The following TNS3 variants were observed in gnomAD, a reference collection of about 807,000 sequenced individuals.
TNS3 encodes tensin-3.
In TNS3, 45 loss-of-function variants were observed where a neutral mutation model predicts 140.9. The ratio of observed to expected loss-of-function variants is 0.32; its 90% CI spans 0.25 to 0.41. The LOEUF is 0.41. Among genes scored for constraint, TNS3 ranks in the 10% least tolerant of loss-of-function variants. The pLI is 1.00. For synonymous variants in TNS3, 815 were observed against 788.4 expected (o/e 1.03, Z -0.56); for missense variants, 1,716 against 1,906.7 (o/e 0.90, Z 1.86).
intron 4 of TNS3, among the ~76,000 whole-genome samples, chr7:47,460,618 C>A (rs1424804632): frequency 6.6e-6 from 1 of 152,252 alleles, no homozygotes; most frequent in Non-Finnish European, 1.5e-5. Flanking sequence ...GCCAGGCTGA[C>A]TGTGAACAGC....
At chr7:47,438,421 T>G (rs1172947452) in intron 6 of TNS3, among the ~76,000 whole-genome samples, 2 of 151,662 alleles carry the variant, frequency 1.3e-5, no homozygotes, top group African/African-American at 4.8e-5. Flanking sequence ...AGCCTGGGAG[T>G]GGCTTCCAAA....
chr7:47,319,898 C>G (rs946324444), intron 20 of TNS3, among the ~76,000 whole-genome samples: 1 of 152,152 alleles, frequency 6.6e-6, no homozygotes, highest in South Asian at 2.1e-4. Flanking sequence ...AGGTCCCTAA[C>G]CAGGCGTTGC....
rs7808042 is a variant in TNS3, at chr7:47,375,326, G to C, written c.1025-5705C>G. 7.7e-3 allele frequency among the ~76,000 whole-genome samples: 1,171 copies of C among 152,306 alleles called. 19 individuals are homozygous for C. The highest frequency in any genetic ancestry group is 0.027 in the African/African-American group (1,110 of 41,566). Reference sequence around the variant, plus strand: ...TCAAGGACCTCCCCTCCCAAGGGAGGCTGTCCACTGTCTGGCAACGATTTC... The same window carrying C: ...TCAAGGACCTCCCCTCCCAAGGGAGCCTGTCCACTGTCTGGCAACGATTTC... On this transcript the variant is annotated intron_variant, in intron 16 of 30. Transcript: ENST00000311160.
At chr7:47,387,168 A>T (rs921640729) in intron 16 of TNS3, among the ~76,000 whole-genome samples, 7 of 152,270 alleles carry the variant, frequency 4.6e-5, no homozygotes, top group African/African-American at 1.7e-4. Flanking sequence ...AGAGTGCCCA[A>T]CTTTCAATAG....
In TNS3 at chr7:47,369,312, G is replaced by A; in HGVS notation, c.1334C>T (p.Thr445Ile). The change falls in exon 17 of 31, where the codon ACT becomes ATT. Residue 445 changes from threonine to isoleucine, a missense_variant. Thr to Ile is a moderately conservative substitution (Grantham distance 89). Around this residue, in one of 3 missense-constraint regions of TNS3, gnomAD observed 1,163 missense variants for 1,182.1 expected, o/e 0.98. Transcript: ENST00000311160. ...CCCACTGTACTTGCTTCGAGCATCA[G>A]TCATTTCCTTGAGGGAGCTTCCAGG... is the stretch of plus-strand genomic sequence containing the variant. ...EDPGSSLKEM[T>I]DARSKYSGTR... is the part of the protein sequence containing the mutation. 1 of 1,614,162 alleles carries A rather than the reference G, an allele frequency of 6.2e-7. No individual in the cohort carries two copies.
intron 3 of TNS3, among the ~76,000 whole-genome samples, chr7:47,500,368 G>C (rs1223477431): frequency 1.3e-5 from 2 of 152,266 alleles, no homozygotes; most frequent in South Asian, 2.1e-4. Flanking sequence ...ACGGCAGAGA[G>C]AGGCAGAGCC....
chr7:47,437,484 C>G (rs1340429580), intron 6 of TNS3, among the ~76,000 whole-genome samples, 171 bp from the exon 7 acceptor site: 1 of 151,644 alleles, frequency 6.6e-6, no homozygotes, highest in Non-Finnish European at 1.5e-5. Flanking sequence ...TCCTTGACAT[C>G]AGAGATGAAA....
intron 16 of TNS3, among the ~76,000 whole-genome samples, chr7:47,375,729 G>A (rs779995298): frequency 5.9e-5 from 9 of 152,132 alleles, no homozygotes; most frequent in South Asian, 2.1e-4. Flanking sequence ...TGTGCTCCCC[G>A]GCATGCTAAC....
intron 12 of TNS3, among the ~76,000 whole-genome samples, chr7:47,412,637 G>T (rs1793836764): frequency 6.6e-6 from 1 of 152,156 alleles, no homozygotes; most frequent in Admixed American, 6.5e-5. Flanking sequence ...AAATGGAAAG[G>T]AGCGAGAAAG....
chr7:47,355,994 T>C (rs1451559252), intron 17 of TNS3, among the ~76,000 whole-genome samples: 2 of 152,086 alleles, frequency 1.3e-5, no homozygotes, highest in African/African-American at 4.8e-5. Flanking sequence ...TCTGCCCTGG[T>C]GAAATAAAGC....
chr7:47,450,868 G>A (rs940081791), intron 4 of TNS3, among the ~76,000 whole-genome samples: 13 of 152,248 alleles, frequency 8.5e-5, no homozygotes, highest in African/African-American at 2.9e-4. Context: ...AGGGCATGGT[G>A]GCTCACACCT....
chr7:47,441,751 C>G (rs1019499453), intron 5 of TNS3, among the ~76,000 whole-genome samples: 3 of 152,242 alleles, frequency 2.0e-5, no homozygotes, highest in Non-Finnish European at 2.9e-5. Context: ...CTTGCACAAT[C>G]AGGCCTCAGC....
chr7:47,480,831 AG>A (rs1797387300), intron 4 of TNS3, among the ~76,000 whole-genome samples: 1 of 152,226 alleles, frequency 6.6e-6, no homozygotes. Context: ...AACTCGGCCC[AG>A]GGAGATTCGC....
intron 4 of TNS3, among the ~76,000 whole-genome samples, chr7:47,454,579 T>G (rs1263641700): frequency 6.6e-6 from 1 of 151,232 alleles, no homozygotes; most frequent in East Asian, 2.0e-4. Context: ...CATTTTACAA[T>G]GGAGGAAAGG....
chr7:47,551,747 C>A (rs970831175), intron 1 of TNS3, among the ~76,000 whole-genome samples: 88 of 152,318 alleles, frequency 5.8e-4, no homozygotes, highest in African/African-American at 2.1e-3. Flanking sequence ...CCAAGGTTCA[C>A]ACTGTGCACA....
intron 4 of TNS3, among the ~76,000 whole-genome samples, chr7:47,462,633 A>T (rs1796535548): frequency 1.3e-5 from 2 of 152,178 alleles, no homozygotes; most frequent in African/African-American, 4.8e-5. Context: ...TCAGGCTGTC[A>T]CTTCATCTAG....
chr7:47,571,890 T>C (rs957772194), intron 1 of TNS3, among the ~76,000 whole-genome samples: 1 of 152,216 alleles, frequency 6.6e-6, no homozygotes, highest in African/African-American at 2.4e-5. Context: ...CCCAGGGAAC[T>C]ATGCTTTGGA....
At chr7:47,449,786 A>G (rs147967711) in intron 4 of TNS3, among the ~76,000 whole-genome samples, 9,241 of 152,158 alleles carry the variant, frequency 0.061, 345 homozygotes, top group Non-Finnish European at 0.087. Context: ...TTGTATTTTT[A>G]GTAGAGATGG....
At position 47,275,992 on chromosome 7, in the gene TNS3, A is replaced by G. The variant is rs896704562; in HGVS notation, c.*2084T>C. On this transcript the variant is annotated 3_prime_UTR_variant, in exon 31 of 31. Coordinates refer to ENST00000311160, the MANE Select transcript of TNS3 (RefSeq NM_022748.12). Reference sequence around the variant, plus strand: ...CAGAAGGATAAGGAACCTGGCCTGCACTCTTTGGGTTAAACATGGGTAGAG... The same window carrying G: ...CAGAAGGATAAGGAACCTGGCCTGCGCTCTTTGGGTTAAACATGGGTAGAG... 1 of 390,794 alleles carries G rather than the reference A, an allele frequency of 2.6e-6. No individual in the cohort carries two copies. Among genetic ancestry groups the G allele is most frequent in the South Asian group, 1.9e-5 (1 of 53,012 alleles). The allele number at this position is 390,794 out of a possible 1,614,324, so 24.2% of individuals were successfully genotyped here.
Sources: gnomAD v4.1 joint callset for allele counts (sites outside exome capture counted in the v4.1 genomes callset) on GRCh38, gnomAD v4.1.1 for gene constraint, gnomAD v4.1.1 regional missense constraint, MANE v1.5 for transcripts, NCBI Gene and HGNC (gene_info 2026-07-23, HGNC 2026-07-21) for gene names.